MYH14: variants seen among roughly 807,000 people sequenced by gnomAD.
MYH14 encodes the protein myosin-14.
A neutral mutation model predicts 255.5 loss-of-function variants in MYH14; 123 were observed. The ratio of observed to expected loss-of-function variants is 0.48; its 90% CI spans 0.42 to 0.56. The LOEUF (loss-of-function observed/expected upper bound fraction) is 0.56. MYH14 is among the 20% of genes least tolerant of loss of function. The pLI is 0.00. For synonymous variants in MYH14, 1,095 were observed against 1,161.2 expected (o/e 0.94, Z 1.16); for missense variants, 2,423 against 2,802.3 (o/e 0.86, Z 3.06).
In MYH14 at chr19:50,278,294, G is replaced by A; in HGVS notation, c.4032+5G>A. 4 of 1,537,498 alleles carry A rather than the reference G, an allele frequency of 2.6e-6. No homozygotes were observed. The highest frequency in any genetic ancestry group is 3.5e-6 in the Non-Finnish European group (4 of 1,138,516). ...GAGAAGCTGCAGCGAGCCCAGGTAA[G>A]TGGGGTGGGCAGGGCAGAGGTTTCT... On this transcript the variant is annotated splice_donor_5th_base_variant and intron_variant, in intron 30 of 42. Coordinates refer to ENST00000642316, the MANE Select transcript of MYH14 (RefSeq NM_001145809.2).
chr19:50,244,463 C>T, intron 11 of MYH14, 126 bp downstream of exon 11: 1 of 670,354 alleles, frequency 1.5e-6, no homozygotes, highest in Non-Finnish European at 2.6e-6. Context: ...AACCCAGGAT[C>T]ACTCTGATTT....
chr19:50,240,539 C>T (rs1340416089), intron 10 of MYH14, among the ~76,000 whole-genome samples: 4 of 152,156 alleles, frequency 2.6e-5, no homozygotes, highest in Admixed American at 1.3e-4. Flanking sequence ...ATGATCACAC[C>T]ACACCACTGC....
In MYH14 at chr19:50,280,884, G is replaced by GA. The variant is rs1272035197; in HGVS notation, c.4290+508dup. 2.6e-5 allele frequency among the ~76,000 whole-genome samples: 4 copies of GA among 151,926 alleles called. No individual in the cohort carries two copies. Among genetic ancestry groups the GA allele is most frequent in the East Asian group, 1.9e-4 (1 of 5,186 alleles). The stretch of plus-strand genomic sequence containing the variant: ...CTATCTCTACTTTCCTATTTTATTT[G>GA]AAAAAAACCTTTTATTTTTCCAGAC... On this transcript the variant is annotated intron_variant, in intron 32 of 42. Transcript: ENST00000642316. This position sits in a 1 kb window ranked among gnomAD's most constrained non-coding sequence, Gnocchi z 4.8.
intron 24 of MYH14, among the ~76,000 whole-genome samples, chr19:50,270,121 C>A (rs986960871): frequency 2.0e-5 from 3 of 152,168 alleles, no homozygotes; most frequent in South Asian, 2.1e-4. Context: ...ACCCACGAGG[C>A]CTGAGGTGGG....
At chr19:50,272,431 A>G (rs2035336729) in intron 26 of MYH14, 129 bp from the exon 27 acceptor site, 1 of 934,126 alleles carries the variant, frequency 1.1e-6, no homozygotes, top group Non-Finnish European at 1.7e-6. Context: ...GGAAGGTGGG[A>G]GGAGGAGAAG....
At chr19:50,282,947 A>G (rs562531907) in intron 33 of MYH14, among the ~76,000 whole-genome samples, 1 of 151,948 alleles carries the variant, frequency 6.6e-6, no homozygotes, top group Non-Finnish European at 1.5e-5. Flanking sequence ...TTCTTCAAAT[A>G]TTTTTATCTC....
Position 50,276,085 on chromosome 19 carries a change from G to C in MYH14, c.3562G>C (p.Glu1188Gln), listed in dbSNP as rs200299854. Reference protein sequence around the residue: ...LAEAQEDLESERVARTKAEKQ... With the variant: ...LAEAQEDLESQRVARTKAEKQ... Reference sequence around the variant, plus strand: ...CGAGGCCCAGGAGGACCTGGAGTCTGAGCGTGTGGCCAGGACCAAGGCGGA... The same window carrying C: ...CGAGGCCCAGGAGGACCTGGAGTCTCAGCGTGTGGCCAGGACCAAGGCGGA... Residue 1188 changes from glutamate (E) to glutamine (Q), a missense_variant, in exon 28 of 43, where the codon GAG becomes CAG. Around this residue, in one of 3 missense-constraint regions of MYH14, gnomAD observed 1,513 missense variants for 1,674.8 expected, o/e 0.90. Transcript: ENST00000642316. This position sits in a 1 kb window ranked among gnomAD's most constrained non-coding sequence, Gnocchi z 4.3. The C allele has an allele frequency of 1.1e-4, 179 of 1,610,650 alleles. No individual in the cohort carries two copies. The highest frequency in any genetic ancestry group is 1.4e-4 in the Non-Finnish European group (165 of 1,178,972).
chr19:50,301,145 G>C (rs2123477161), intron 39 of MYH14, among the ~76,000 whole-genome samples: 1 of 152,298 alleles, frequency 6.6e-6, no homozygotes, highest in East Asian at 1.9e-4. Context: ...TTTCCACGTA[G>C]CAGCTACTGT....
Position 50,252,667 on chromosome 19 carries a change from T to G in MYH14, c.1859T>G (p.Met620Arg). The G allele has an allele frequency of 4.4e-6, 7 of 1,599,482 alleles. No homozygotes were observed. The highest frequency in any genetic ancestry group is 6.0e-6 in the Non-Finnish European group (7 of 1,173,448). Residue 620 changes from methionine to arginine, a missense_variant, in exon 16 of 43, where the codon ATG (methionine) becomes AGG (arginine). Met to Arg is a moderately conservative substitution (Grantham distance 91, BLOSUM62 -1). Transcript: ENST00000642316. The surrounding 1 kb of genome is among the most constrained non-coding windows in gnomAD (Gnocchi z 4.2). Reference protein sequence around the residue: ...KVDYKANEWLMKNMDPLNDNV... With the variant: ...KVDYKANEWLRKNMDPLNDNV... ...GACTACAAGGCCAACGAGTGGCTGATGAAAAACATGGACCCTCTGAATGAC... is the reference window on the plus strand; with the variant it reads ...GACTACAAGGCCAACGAGTGGCTGAGGAAAAACATGGACCCTCTGAATGAC...
intron 41 of MYH14, among the ~76,000 whole-genome samples, chr19:50,307,895 A>T (rs2036707758): frequency 6.6e-6 from 1 of 152,218 alleles, no homozygotes; most frequent in African/African-American, 2.4e-5. Flanking sequence ...ACAAACAATT[A>T]TTGAGCACCT....
intron 12 of MYH14, 132 bp from the exon 13 acceptor site, chr19:50,248,855 G>A: frequency 1.3e-6 from 1 of 788,670 alleles, no homozygotes; most frequent in Non-Finnish European, 2.0e-6. Flanking sequence ...TGTTCTTGAT[G>A]GTACTTACAC....
At chr19:50,213,851 A>G (rs906900450) in intron 2 of MYH14, among the ~76,000 whole-genome samples, 10 of 152,120 alleles carry the variant, frequency 6.6e-5, no homozygotes, top group African/African-American at 2.2e-4. Flanking sequence ...TTTTAGACAT[A>G]GCCTTGCTCT....
intron 3 of MYH14, among the ~76,000 whole-genome samples, chr19:50,222,340 C>T (rs557678888): frequency 6.6e-6 from 1 of 151,840 alleles, no homozygotes; most frequent in East Asian, 1.9e-4. Flanking sequence ...ATTAGCTGGG[C>T]GTGGTGGTGG....
At chr19:50,275,966 A>AGGC (rs779977050) in intron 27 of MYH14, 25 bp from the exon 28 acceptor site, 3 of 1,594,394 alleles carry the variant, frequency 1.9e-6, no homozygotes, top group Non-Finnish European at 2.6e-6. Context: ...CCCTGTATCA[A>AGGC]CTCCACGGTT....
intron 10 of MYH14, among the ~76,000 whole-genome samples, chr19:50,233,177 T>C (rs1484356938): frequency 5.9e-5 from 9 of 151,958 alleles, no homozygotes; most frequent in Admixed American, 2.0e-4. Flanking sequence ...CCCCACTTTT[T>C]TTTTTCTTTT....
In MYH14 at chr19:50,252,705, T is replaced by C. The variant is rs1162570765; in HGVS notation, c.1897T>C (p.Leu633=). 2 of 1,601,378 alleles carry C rather than the reference T, an allele frequency of 1.2e-6. No individual in the cohort carries two copies. The highest frequency in any genetic ancestry group is 2.7e-5 in the African/African-American group (2 of 74,582). The part of the protein sequence containing the change: ...MDPLNDNVAA[L]LHQSTDRLTA... ...CCCTCTGAATGACAACGTCGCAGCCTTGCTCCACCAGAGCACAGACCGGCT... is the reference window on the plus strand; with the variant it reads ...CCCTCTGAATGACAACGTCGCAGCCCTGCTCCACCAGAGCACAGACCGGCT... The change falls in exon 16 of 43, where the codon TTG becomes CTG. Residue 633 remains leucine (L), a synonymous_variant. Transcript: ENST00000642316. This position sits in a 1 kb window ranked among gnomAD's most constrained non-coding sequence, Gnocchi z 4.2.
Position 50,271,490 on chromosome 19 carries a change from A to C in MYH14, c.3115A>C (p.Lys1039Gln), listed in dbSNP as rs1324117250. ...GAAGGTGACGACAGAGGCAAAAATGAAGAAATTTGAAGAGGACCTGCTGCT... is the reference window on the plus strand; with the variant it reads ...GAAGGTGACGACAGAGGCAAAAATGCAGAAATTTGAAGAGGACCTGCTGCT... ...LEKVTTEAKM[K>Q]KFEEDLLLLE... Residue 1039 changes from lysine (K) to glutamine (Q), a missense_variant, in exon 25 of 43, where the codon AAG becomes CAG. By Grantham distance (53) the Lys-to-Gln change is moderately conservative. Transcript: ENST00000642316. The C allele has an allele frequency of 7.5e-6, 12 of 1,607,150 alleles. No homozygotes were observed. The highest frequency in any genetic ancestry group is 3.4e-5 in the Admixed American group (2 of 58,880).
At chr19:50,209,783 C>CA (rs1209985827) in intron 1 of MYH14, among the ~76,000 whole-genome samples, 2,081 of 65,466 alleles carry the variant, frequency 0.032, 41 homozygotes, top group African/African-American at 0.063. Context: ...GACTCCATCT[C>CA]AAAAAAAAAA....
chr19:50,246,781 G>T (rs542279760), intron 11 of MYH14, among the ~76,000 whole-genome samples: 1 of 152,276 alleles, frequency 6.6e-6, no homozygotes, highest in Non-Finnish European at 1.5e-5. Context: ...CTTGTGGCAC[G>T]GTCTTTGCTC....
Sources: gnomAD v4.1 joint callset for allele counts (sites outside exome capture counted in the v4.1 genomes callset) on GRCh38, gnomAD v4.1.1 for gene constraint, gnomAD v4.1.1 regional missense constraint, Gnocchi (gnomAD v3.1) non-coding constraint, MANE v1.5 for transcripts, NCBI Gene and HGNC (gene_info 2026-07-23, HGNC 2026-07-21) for gene names.